CFAP210: variants seen among roughly 807,000 people sequenced by gnomAD.
CFAP210 encodes the protein cilia- and flagella- associated protein 210.
the CFAP210 span, chr2:169,674,715 G>A: frequency 1.1e-5 from 18 of 1,605,152 alleles, no homozygotes; most frequent in African/African-American, 4.0e-5. Context: ...TTACTCTTTC[G>A]GAATTCAATC....
chr2:169,662,517 T>C, the CFAP210 span: 4 of 1,213,038 alleles, frequency 3.3e-6, no homozygotes, highest in African/African-American at 6.2e-5. Flanking sequence ...AATTCCAACC[T>C]GGAATGAGTT....
chr2:169,661,558 C>T, the CFAP210 span, among the ~76,000 whole-genome samples: 76 of 152,248 alleles, frequency 5.0e-4, no homozygotes, highest in Admixed American at 6.5e-4. Flanking sequence ...TGGTGAACTG[C>T]GACAAAAATA....
chr2:169,659,759 T>G, the CFAP210 span, among the ~76,000 whole-genome samples: 1 of 152,240 alleles, frequency 6.6e-6, no homozygotes, highest in Non-Finnish European at 1.5e-5. Flanking sequence ...CCCAAAGTCT[T>G]AACTCATTCC....
the CFAP210 span, among the ~76,000 whole-genome samples, chr2:169,653,407 C>G: frequency 6.6e-6 from 1 of 151,664 alleles, no homozygotes; most frequent in Admixed American, 6.6e-5. Context: ...AGGTGGAGAG[C>G]CTTATGGGCC....
chr2:169,652,127 A>C, the CFAP210 span, among the ~76,000 whole-genome samples: 11 of 152,214 alleles, frequency 7.2e-5, no homozygotes, highest in Non-Finnish European at 1.3e-4. Context: ...GTTGTGACAA[A>C]TTCACTTAGT....
the CFAP210 span, among the ~76,000 whole-genome samples, chr2:169,677,122 A>G: frequency 6.6e-6 from 1 of 152,242 alleles, no homozygotes. Context: ...AGAGAGGAAG[A>G]GGCAGGCAAG....
chr2:169,674,943 T>C, the CFAP210 span: 1 of 1,542,784 alleles, frequency 6.5e-7, no homozygotes, highest in Non-Finnish European at 8.7e-7. Flanking sequence ...TCTTTTTCCT[T>C]GTTTGTATAT....
At chr2:169,660,159 C>T in the CFAP210 span, among the ~76,000 whole-genome samples, 2 of 151,866 alleles carry the variant, frequency 1.3e-5, no homozygotes, top group African/African-American at 2.4e-5. Context: ...GAGTCCAAGG[C>T]GAGCAGATCA....
the CFAP210 span, chr2:169,654,233 T>G: frequency 6.5e-7 from 1 of 1,537,100 alleles, no homozygotes; most frequent in Non-Finnish European, 8.8e-7. Context: ...AAAAATTGTA[T>G]ATATTAACTT....
the CFAP210 span, chr2:169,662,443 CA>C: frequency 1.8e-4 from 275 of 1,563,204 alleles, no homozygotes; most frequent in African/African-American, 3.6e-3. Context: ...TATTCTAAAG[CA>C]AAAACATAAT....
At chr2:169,664,309 T>C in the CFAP210 span, among the ~76,000 whole-genome samples, 3 of 152,208 alleles carry the variant, frequency 2.0e-5, no homozygotes, top group Non-Finnish European at 4.4e-5. Context: ...AGAAGATACT[T>C]TAAAATTTTT....
At chr2:169,649,916 C>CT in the CFAP210 span, among the ~76,000 whole-genome samples, 1 of 127,310 alleles carries the variant, frequency 7.9e-6, no homozygotes, top group Non-Finnish European at 1.7e-5. Flanking sequence ...GGGCAAAACT[C>CT]TGTCTCAAAA....
At chr2:169,649,049 C>T in the CFAP210 span, 6 of 661,720 alleles carry the variant, frequency 9.1e-6, no homozygotes, top group African/African-American at 1.1e-4. Context: ...ATTTTTAATA[C>T]ATTTTATTGT....
the CFAP210 span, among the ~76,000 whole-genome samples, chr2:169,692,880 G>T: frequency 9.8e-4 from 149 of 152,270 alleles, 1 homozygote; most frequent in African/African-American, 3.5e-3. Flanking sequence ...GATTACTGTG[G>T]TTATCTAGGC....
At chr2:169,671,855 T>C in the CFAP210 span, among the ~76,000 whole-genome samples, 1 of 152,218 alleles carries the variant, frequency 6.6e-6, no homozygotes, top group Non-Finnish European at 1.5e-5. Context: ...GGTTGTTCAA[T>C]AAATGTTTGT....
the CFAP210 span, among the ~76,000 whole-genome samples, chr2:169,654,846 TG>T: frequency 6.6e-6 from 1 of 152,088 alleles, no homozygotes; most frequent in Non-Finnish European, 1.5e-5. Flanking sequence ...AAACCAAAAA[TG>T]TTTTTTTACA....
chr2:169,646,296 C>A, the CFAP210 span: 1 of 759,758 alleles, frequency 1.3e-6, no homozygotes, highest in Non-Finnish European at 2.2e-6. Context: ...TGATACTTTA[C>A]AAGTTCTGAT....
the CFAP210 span, among the ~76,000 whole-genome samples, chr2:169,663,259 T>A: frequency 6.8e-6 from 1 of 146,190 alleles, no homozygotes; most frequent in African/African-American, 2.5e-5. Flanking sequence ...CACTACTCTA[T>A]CTGCCCTCTC....
chr2:169,649,937 T>C, the CFAP210 span, among the ~76,000 whole-genome samples: 1 of 149,590 alleles, frequency 6.7e-6, no homozygotes, highest in Non-Finnish European at 1.5e-5. Flanking sequence ...AAAAAAAAAT[T>C]GCTCCAATGT....
Sources: gnomAD v4.1 joint callset for allele counts (sites outside exome capture counted in the v4.1 genomes callset) on GRCh38, gnomAD v4.1.1 for gene constraint, MANE v1.5 for transcripts, NCBI Gene and HGNC (gene_info 2026-07-23, HGNC 2026-07-21) for gene names.